The following UGT2B10 variants were observed in gnomAD, a reference collection of about 807,000 sequenced individuals.
UGT2B10 encodes the protein UDP glucuronosyltransferase family 2 member B10, also known as UDP-glucuronosyltransferase 2B10.
Under a neutral mutation model 43.7 loss-of-function variants are expected in UGT2B10, and 51 were observed. That is an observed-to-expected ratio of 1.17 (90% CI 0.93 to 1.47). UGT2B10 has a LOEUF of 1.47. UGT2B10 is among the 40% of genes most tolerant of loss of function. UGT2B10 has a pLI of 0.00. For synonymous variants in UGT2B10, 225 were observed against 209.0 expected (o/e 1.08, Z -0.66); for missense variants, 696 against 617.7 (o/e 1.13, Z -1.34).
At chr4:68,820,087 C>A (rs967720090) in intron 2 of UGT2B10, among the ~76,000 whole-genome samples, 1 of 151,946 alleles carries the variant, frequency 6.6e-6, no homozygotes, top group Non-Finnish European at 1.5e-5. Flanking sequence ...GATTTCCCCA[C>A]TCACACTAAG....
chr4:68,817,419 G>T (rs182190130), intron 1 of UGT2B10, among the ~76,000 whole-genome samples: 5 of 151,608 alleles, frequency 3.3e-5, no homozygotes, highest in African/African-American at 1.2e-4. Context: ...GATTATGGTC[G>T]AGTACAGATC....
intron 3 of UGT2B10, among the ~76,000 whole-genome samples, chr4:68,823,474 T>C (rs572843844): frequency 1.3e-5 from 2 of 152,142 alleles, no homozygotes; most frequent in Admixed American, 1.3e-4. Context: ...AACATTGCAC[T>C]CCAGCCTGGG....
In UGT2B10 at chr4:68,816,489, A is replaced by T; in HGVS notation, c.470A>T (p.Glu157Val). 2 of 1,613,260 alleles carry T rather than the reference A, an allele frequency of 1.2e-6. No individual in the cohort carries two copies. Among genetic ancestry groups the T allele is most frequent in the Middle Eastern group, 1.7e-4 (1 of 6,058 alleles). Residue 157 changes from glutamate (E) to valine (V), a missense_variant, in exon 1 of 6, where the codon GAG (glutamate) becomes GTG (valine). Physicochemically the swap from Glu to Val is moderately radical, Grantham distance 121 (BLOSUM62 -2). Transcript: ENST00000265403. Reference protein sequence around the residue: ...VFADAYLPCGELLAELFNIPF... With the variant: ...VFADAYLPCGVLLAELFNIPF... ...GCAGATGCTTATTTACCCTGTGGTGAGCTGCTGGCTGAGCTATTTAACATA... is the reference window on the plus strand; with the variant it reads ...GCAGATGCTTATTTACCCTGTGGTGTGCTGCTGGCTGAGCTATTTAACATA...
rs753912188 is a variant in UGT2B10 at position 68,816,261 on chromosome 4, C to T, written c.242C>T (p.Thr81Ile). The change falls in exon 1 of 6, where the codon ACT (threonine) becomes ATT (isoleucine). Residue 81 changes from threonine to isoleucine, a missense_variant. Physicochemically the swap from Thr to Ile is moderately conservative, Grantham distance 89. Coordinates refer to ENST00000265403, the MANE Select transcript of UGT2B10 (RefSeq NM_001075.6). ...LKLEVYPTSL[T>I]KTEFENIIMQ... Reference sequence around the variant, plus strand: ...CTTGAAGTTTATCCTACATCTTTAACTAAAACTGAATTTGAGAATATCATC... The same window carrying T: ...CTTGAAGTTTATCCTACATCTTTAATTAAAACTGAATTTGAGAATATCATC... The T allele has an allele frequency of 6.2e-7, 1 of 1,613,070 alleles. No individual in the cohort carries two copies. Among genetic ancestry groups the T allele is most frequent in the South Asian group, 1.1e-5 (1 of 91,064 alleles).
rs539845889 is a variant in UGT2B10 at position 68,821,478 on chromosome 4, A to C, written c.868-793A>C. Among the ~76,000 whole-genome samples, 13 of 152,270 alleles carry C rather than the reference A, an allele frequency of 8.5e-5. No homozygotes were observed. The Middle Eastern group carries it at 0.014, about 159-fold the overall frequency. ...GTTAGAAATAGCACATCAATTTAACAGTGTGATTTCAGGGCAATACGTGCT... is the reference window on the plus strand; with the variant it reads ...GTTAGAAATAGCACATCAATTTAACCGTGTGATTTCAGGGCAATACGTGCT... On this transcript the variant is annotated intron_variant, in intron 2 of 5. Transcript: ENST00000265403.
At chr4:68,819,625 C>A (rs1034154935) in intron 2 of UGT2B10, among the ~76,000 whole-genome samples, 1 of 151,930 alleles carries the variant, frequency 6.6e-6, no homozygotes, top group Non-Finnish European at 1.5e-5. Context: ...TGCCTTATGA[C>A]AGGCCACTCA....
At chr4:68,828,980 T>C (rs777314296) in intron 5 of UGT2B10, among the ~76,000 whole-genome samples, 5 of 152,014 alleles carry the variant, frequency 3.3e-5, no homozygotes, top group African/African-American at 7.2e-5. Context: ...AAATCATAAT[T>C]ATGCATGCAC....
At position 68,816,677 on chromosome 4, in the gene UGT2B10, G is replaced by A; in HGVS notation, c.658G>A (p.Asp220Asn). Residue 220 changes from aspartate to asparagine, a missense_variant, in exon 1 of 6, where the codon GAC becomes AAC. By Grantham distance (23) the Asp-to-Asn change is conservative. Transcript: ENST00000265403. ...VKNMLYVLYF[D>N]FWFQIFNMKK... is the part of the protein sequence containing the mutation. ...AAATATGCTCTATGTGCTTTATTTT[G>A]ACTTTTGGTTCCAAATATTTAATAT... 1 of 1,611,764 alleles carries A rather than the reference G, an allele frequency of 6.2e-7. No homozygotes were observed. Among genetic ancestry groups the A allele is most frequent in the South Asian group, 1.1e-5 (1 of 90,886 alleles).
At position 68,831,581 on chromosome 4, in the gene UGT2B10, T is replaced by C. The variant is rs1738103417; in HGVS notation, c.*702T>C. ...ATAAAATAAAGTGGAAATGAATGAT[T>C]GACTGAACAGCCCACAAGAAGAATC... On this transcript the variant is annotated 3_prime_UTR_variant, in exon 6 of 6. Transcript: ENST00000265403. 6.6e-6 allele frequency among the ~76,000 whole-genome samples: 1 copy of C among 152,124 alleles called. No homozygotes were observed. Among genetic ancestry groups the C allele is most frequent in the Non-Finnish European group, 1.5e-5 (1 of 68,018 alleles).
chr4:68,817,422 T>C (rs1737268189), intron 1 of UGT2B10, among the ~76,000 whole-genome samples: 1 of 151,786 alleles, frequency 6.6e-6, no homozygotes, highest in Admixed American at 6.6e-5. Flanking sequence ...TATGGTCGAG[T>C]ACAGATCTCT....
chr4:68,820,818 C>A (rs915486829), intron 2 of UGT2B10, among the ~76,000 whole-genome samples: 1 of 151,966 alleles, frequency 6.6e-6, no homozygotes, highest in African/African-American at 2.4e-5. Flanking sequence ...TTTTAAAAAA[C>A]TTTTCTTACT....
rs1181521794 is a variant in UGT2B10 at position 68,816,098 on chromosome 4, G to A, written c.79G>A (p.Val27Ile). 2 of 1,613,130 alleles carry A rather than the reference G, an allele frequency of 1.2e-6. No individual in the cohort carries two copies. The highest frequency in any genetic ancestry group is 1.1e-5 in the South Asian group (1 of 91,056). ...FSSGSCGKVL[V>I]WAAEYSLWMN... is the part of the protein sequence containing the mutation. ...CTCTGGGAGTTGTGGAAAGGTGCTG[G>A]TATGGGCCGCAGAATACAGCCTTTG... is the stretch of plus-strand genomic sequence containing the variant. The change falls in exon 1 of 6, where the codon GTA becomes ATA. Residue 27 changes from valine (V) to isoleucine (I), a missense_variant. By Grantham distance (29) the Val-to-Ile change is conservative. Coordinates refer to ENST00000265403, the MANE Select transcript of UGT2B10 (RefSeq NM_001075.6).
chr4:68,823,044 T>C (rs376785482), intron 3 of UGT2B10, among the ~76,000 whole-genome samples: 43 of 152,270 alleles, frequency 2.8e-4, no homozygotes, highest in East Asian at 1.7e-3. Context: ...ATATGAAATA[T>C]GTGGCAACAA....
At chr4:68,817,997 C>T in intron 1 of UGT2B10, 32 bp from the exon 2 acceptor site, 2 of 1,590,858 alleles carry the variant, frequency 1.3e-6, no homozygotes, top group Non-Finnish European at 1.7e-6. Flanking sequence ...TATCTTATGT[C>T]ATCCACTTCT....
In UGT2B10 at chr4:68,816,422, C is replaced by T. The variant is rs773034258; in HGVS notation, c.403C>T (p.Leu135Phe). The change falls in exon 1 of 6, where the codon CTT becomes TTT. Residue 135 changes from leucine to phenylalanine, a missense_variant. By Grantham distance (22) the Leu-to-Phe change is conservative. Transcript: ENST00000265403. ...FCKDVVSNKK[L>F]MKKLQESRFD... Reference sequence around the variant, plus strand: ...TAAAGATGTAGTTTCAAATAAGAAACTTATGAAAAAACTACAAGAGTCAAG... The same window carrying T: ...TAAAGATGTAGTTTCAAATAAGAAATTTATGAAAAAACTACAAGAGTCAAG... 12 of 1,612,708 alleles carry T rather than the reference C, an allele frequency of 7.4e-6. No individual in the cohort carries two copies. The highest frequency in any genetic ancestry group is 9.3e-6 in the Non-Finnish European group (11 of 1,179,344).
intron 3 of UGT2B10, among the ~76,000 whole-genome samples, chr4:68,822,652 G>A (rs1268740210): frequency 6.6e-6 from 1 of 152,032 alleles, no homozygotes; most frequent in Non-Finnish European, 1.5e-5. Flanking sequence ...TGGGAACTCA[G>A]TACTCCATAT....
rs1738118839 is a variant in UGT2B10 at position 68,831,997 on chromosome 4, C to A, written c.*1118C>A. Among the ~76,000 whole-genome samples, 2 of 151,874 alleles carry A rather than the reference C, an allele frequency of 1.3e-5. No homozygotes were observed. The highest frequency in any genetic ancestry group is 2.9e-5 in the Non-Finnish European group (2 of 67,948). ...GATCTCTTATGAATAACAAATTTAT[C>A]CTTAATAAAGTCTCTATACTAAAGA... On this transcript the variant is annotated 3_prime_UTR_variant, in exon 6 of 6. Coordinates refer to ENST00000265403, the MANE Select transcript of UGT2B10 (RefSeq NM_001075.6).
Position 68,831,176 on chromosome 4 carries a change from C to T in UGT2B10, c.*297C>T, listed in dbSNP as rs191829273. 1.9e-3 allele frequency: 604 copies of T among 313,094 alleles called. 2 individuals are homozygous for T. Among genetic ancestry groups the T allele is most frequent in the Non-Finnish European group, 2.7e-3 (461 of 172,276 alleles). 19.4% of individuals were successfully genotyped at this position (313,094 alleles called of 1,614,324 possible). A position where few individuals can be genotyped will look rare whatever the true frequency, so the allele number is the denominator to read the frequency against. On this transcript the variant is annotated 3_prime_UTR_variant, in exon 6 of 6. Coordinates refer to ENST00000265403, the MANE Select transcript of UGT2B10 (RefSeq NM_001075.6). ...AAATGTGATCATGGCTCACTTCAGC[C>T]TCAACTTACTAAGCTCAAGAGGTTC...
In UGT2B10 at chr4:68,816,212, C is replaced by A; in HGVS notation, c.193C>A (p.Pro65Thr). 6.2e-7 allele frequency: 1 copy of A among 1,613,106 alleles called. No individual in the cohort carries two copies. The highest frequency in any genetic ancestry group is 8.5e-7 in the Non-Finnish European group (1 of 1,179,382). ...LASSASILFD[P>T]NDSSTLKLEV... ...ATCTTCAGCTTCCATTCTTTTTGAT[C>A]CCAACGACTCATCCACTCTTAAACT... Residue 65 changes from proline (P) to threonine (T), a missense_variant, in exon 1 of 6, where the codon CCC becomes ACC. By Grantham distance (38) the Pro-to-Thr change is conservative. Coordinates refer to ENST00000265403, the MANE Select transcript of UGT2B10 (RefSeq NM_001075.6).
Sources: gnomAD v4.1 joint callset for allele counts (sites outside exome capture counted in the v4.1 genomes callset) on GRCh38, gnomAD v4.1.1 for gene constraint, MANE v1.5 for transcripts, NCBI Gene and HGNC (gene_info 2026-07-23, HGNC 2026-07-21) for gene names.